Variants in SOX6 observed in about 807,000 individuals in gnomAD.
SOX6 encodes SRY-box transcription factor 6.
In SOX6, 11 loss-of-function variants were observed where a neutral mutation model predicts 97.8. The ratio of observed to expected loss-of-function variants is 0.11; its 90% CI spans 0.07 to 0.19. The LOEUF (loss-of-function observed/expected upper bound fraction) is 0.19. Ranked by LOEUF, SOX6 falls within the 10% of genes least tolerant of loss-of-function variation. The pLI is 1.00. For missense variants in SOX6, 810 were observed against 1,039.5 expected (o/e 0.78, Z 3.04); for synonymous variants, 360 against 371.4 (o/e 0.97, Z 0.35).
At chr11:16,160,460 G>T (rs1212710372) in intron 6 of SOX6, among the ~76,000 whole-genome samples, 2 of 152,274 alleles carry the variant, frequency 1.3e-5, no homozygotes, top group Non-Finnish European at 2.9e-5. Flanking sequence ...GATGTGTCTG[G>T]ATAACACATG....
intron 4 of SOX6, among the ~76,000 whole-genome samples, chr11:16,229,586 G>T (rs1852788525): frequency 6.6e-6 from 1 of 151,698 alleles, no homozygotes; most frequent in African/African-American, 2.4e-5. Flanking sequence ...TTAAATATGG[G>T]ATCTATAACA....
At position 16,589,194 on chromosome 11, in the gene SOX6, T is replaced by A. The variant is rs537489743; in HGVS notation, n.609+22887A>T. On this transcript the variant is annotated intron_variant and non_coding_transcript_variant, in intron 4 of 5. Coordinates refer to the SOX6 transcript ENST00000524520. ...GACCATGCATTTCCTCCTTGACTCATCATGCCCTCACCTCTCTTTCCACTC... is the reference window on the plus strand; with the variant it reads ...GACCATGCATTTCCTCCTTGACTCAACATGCCCTCACCTCTCTTTCCACTC... Among the ~76,000 whole-genome samples the A allele has an allele frequency of 9.2e-5, 14 of 152,318 alleles. No individual in the cohort carries two copies. In the East Asian group the frequency reaches 2.5e-3, roughly 27 times the overall value.
chr11:16,331,278 A>G (rs893461095), intron 2 of SOX6, among the ~76,000 whole-genome samples: 1 of 152,138 alleles, frequency 6.6e-6, no homozygotes, highest in Non-Finnish European at 1.5e-5. Context: ...ACAAATCCTA[A>G]CATTAAAAGT....
intron 1 of SOX6, among the ~76,000 whole-genome samples, chr11:16,403,445 A>G (rs1048871362): frequency 1.3e-5 from 2 of 151,798 alleles, no homozygotes; most frequent in Non-Finnish European, 3.0e-5. Flanking sequence ...ATGGACTAGT[A>G]GTTTTGTTTA....
At chr11:16,137,384 C>G (rs1849996359) in intron 6 of SOX6, among the ~76,000 whole-genome samples, 1 of 152,116 alleles carries the variant, frequency 6.6e-6, no homozygotes, top group African/African-American at 2.4e-5. Flanking sequence ...TGAGATCACA[C>G]CACTGCACTC....
At chr11:16,279,908 A>G (rs1340902920) in intron 3 of SOX6, among the ~76,000 whole-genome samples, 8 of 152,154 alleles carry the variant, frequency 5.3e-5, no homozygotes, top group South Asian at 2.1e-4. Context: ...TGAAAAATCT[A>G]TATTTGGATG....
At chr11:16,693,235 A>C (rs1410786266) in intron 3 of SOX6, among the ~76,000 whole-genome samples, 2 of 152,180 alleles carry the variant, frequency 1.3e-5, no homozygotes, top group Non-Finnish European at 2.9e-5. Flanking sequence ...CATACCCTGA[A>C]CAGCATTATT....
chr11:16,127,477 T>C (rs1648743903), intron 6 of SOX6, among the ~76,000 whole-genome samples: 2 of 152,134 alleles, frequency 1.3e-5, no homozygotes, highest in East Asian at 1.9e-4. Context: ...TGGTACACAA[T>C]GTGATTTAAA....
At chr11:16,040,950 C>T (rs920897429) in intron 12 of SOX6, among the ~76,000 whole-genome samples, 2 of 152,188 alleles carry the variant, frequency 1.3e-5, no homozygotes, top group East Asian at 1.9e-4. Flanking sequence ...GTTTTTTAAA[C>T]AGTGACTACT....
intron 4 of SOX6, among the ~76,000 whole-genome samples, chr11:16,190,847 A>G (rs920572899): frequency 2.0e-5 from 3 of 152,182 alleles, no homozygotes; most frequent in African/African-American, 7.2e-5. Context: ...TTGTTCGGGT[A>G]TAATGGTTTG....
intron 6 of SOX6, among the ~76,000 whole-genome samples, chr11:16,143,663 C>G (rs985205133): frequency 6.6e-6 from 1 of 151,988 alleles, no homozygotes; most frequent in Admixed American, 6.6e-5. Flanking sequence ...GAAGATCTAC[C>G]AAGCAAATGG....
At chr11:16,652,722 G>A (rs2134014461) in intron 3 of SOX6, among the ~76,000 whole-genome samples, 1 of 151,818 alleles carries the variant, frequency 6.6e-6, no homozygotes, top group East Asian at 1.9e-4. Context: ...TCATGACCAA[G>A]AACCCAAAAG....
intron 1 of SOX6, among the ~76,000 whole-genome samples, chr11:16,381,160 C>G (rs1478707529): frequency 1.3e-5 from 2 of 151,602 alleles, no homozygotes; most frequent in Non-Finnish European, 2.9e-5. Context: ...TACCATGAGA[C>G]AAAAAGAATT....
At chr11:16,583,834 C>T (rs1002068856) in intron 4 of SOX6, among the ~76,000 whole-genome samples, 6 of 151,626 alleles carry the variant, frequency 4.0e-5, no homozygotes, top group Non-Finnish European at 5.9e-5. Flanking sequence ...TGAGAATCCT[C>T]CACACTGTTT....
chr11:16,645,039 G>A (rs1442818077), intron 3 of SOX6, among the ~76,000 whole-genome samples: 1 of 152,022 alleles, frequency 6.6e-6, no homozygotes, highest in Non-Finnish European at 1.5e-5. Flanking sequence ...CTTAATTTGG[G>A]GCTCTTTCAG....
intron 3 of SOX6, among the ~76,000 whole-genome samples, chr11:16,646,982 T>C (rs1849024638): frequency 6.6e-6 from 1 of 152,272 alleles, no homozygotes; most frequent in Non-Finnish European, 1.5e-5. Flanking sequence ...ATAGTAGTTG[T>C]ACTAGTTTAC....
chr11:15,982,528 C>G (rs1295922764), intron 15 of SOX6, among the ~76,000 whole-genome samples: 1 of 151,908 alleles, frequency 6.6e-6, no homozygotes, highest in Non-Finnish European at 1.5e-5. Context: ...TGCTCAAGTC[C>G]CTTTTATAAA....
intron 4 of SOX6, among the ~76,000 whole-genome samples, chr11:16,593,482 C>T (rs949547563): frequency 7.3e-5 from 11 of 150,214 alleles, no homozygotes; most frequent in South Asian, 2.1e-4. Context: ...CTTATATAAA[C>T]GATGGGAAGA....
At chr11:16,136,282 T>A (rs1380613968) in intron 6 of SOX6, among the ~76,000 whole-genome samples, 1 of 151,656 alleles carries the variant, frequency 6.6e-6, no homozygotes, top group African/African-American at 2.4e-5. Context: ...CCTCCCAAGA[T>A]CATTAGCATT....
Sources: gnomAD v4.1 joint callset for allele counts (sites outside exome capture counted in the v4.1 genomes callset) on GRCh38, gnomAD v4.1.1 for gene constraint, MANE v1.5 for transcripts, NCBI Gene and HGNC (gene_info 2026-07-23, HGNC 2026-07-21) for gene names.